The following FNIP2 variants were observed in gnomAD, a reference collection of about 807,000 sequenced individuals.
FNIP2 encodes folliculin-interacting protein 2.
A neutral mutation model predicts 108.7 loss-of-function variants in FNIP2; 32 were observed. That is an observed-to-expected ratio of 0.29 (90% CI 0.22 to 0.40). The LOEUF (loss-of-function observed/expected upper bound fraction) is 0.40, where lower values mean the gene tolerates loss of function less well. Ranked by LOEUF, FNIP2 falls within the 10% of genes least tolerant of loss-of-function variation. FNIP2 has a pLI of 1.00. For missense variants in FNIP2, 1,202 were observed against 1,381.6 expected (o/e 0.87, Z 2.06); for synonymous variants, 480 against 496.7 (o/e 0.97, Z 0.45).
chr4:158,846,614 G>A (rs537974870), intron 7 of FNIP2, among the ~76,000 whole-genome samples: 3 of 152,280 alleles, frequency 2.0e-5, no homozygotes, highest in African/African-American at 7.2e-5. Context: ...GGGCAGAAAG[G>A]TTGTGATACC....
Position 158,769,171 on chromosome 4 carries a change from C to A in FNIP2, c.-42C>A, listed in dbSNP as rs1190636276. ...CGCCCCCGGCTGCGCGCTGAGCCGC[C>A]GGCCCCCCGAGCGCCACGGCCGGAG... On this transcript the variant is annotated 5_prime_UTR_variant, in exon 1 of 17. Coordinates refer to ENST00000264433, the MANE Select transcript of FNIP2 (RefSeq NM_020840.3). 2.7e-6 allele frequency: 3 copies of A among 1,110,976 alleles called. No individual in the cohort carries two copies. Among genetic ancestry groups the A allele is most frequent in the African/African-American group, 1.7e-5 (1 of 59,518 alleles). 68.8% of individuals were successfully genotyped at this position (1,110,976 alleles called of 1,614,324 possible). A position where few individuals can be genotyped will look rare whatever the true frequency, so the allele number is the denominator to read the frequency against.
intron 1 of FNIP2, among the ~76,000 whole-genome samples, chr4:158,825,546 C>A (rs1047904992): frequency 3.3e-5 from 5 of 152,220 alleles, no homozygotes; most frequent in African/African-American, 1.2e-4. Flanking sequence ...TCCTTTAACT[C>A]GGATATGCTG....
rs1197181833 is a variant in FNIP2, at chr4:158,904,408, C to T, written c.3267-58C>T. 1.8e-5 allele frequency: 25 copies of T among 1,391,988 alleles called. 1 individual carries two copies. In the South Asian group the frequency reaches 2.8e-4, roughly 16 times the overall value. The allele number at this position is 1,391,988 out of a possible 1,614,324, so 86.2% of individuals were successfully genotyped here. ...TACTTTCTCATAAAAAGAAATAATACTTTCTCATAAAACCATGCTCTTTTA... is the reference window on the plus strand; with the variant it reads ...TACTTTCTCATAAAAAGAAATAATATTTTCTCATAAAACCATGCTCTTTTA... On this transcript the variant is annotated intron_variant, in intron 16 of 16. Transcript: ENST00000264433.
chr4:158,847,951 T>G (rs961174168), intron 7 of FNIP2, among the ~76,000 whole-genome samples: 2 of 152,224 alleles, frequency 1.3e-5, no homozygotes, highest in African/African-American at 4.8e-5. Flanking sequence ...TGACTTTGTC[T>G]TGTGGCTTGG....
chr4:158,851,300 A>C (rs761015211), intron 7 of FNIP2, 21 bp from the exon 8 acceptor site: 22 of 1,613,492 alleles, frequency 1.4e-5, no homozygotes, highest in Non-Finnish European at 1.8e-5. Context: ...TCAACTTTCA[A>C]ATTCCAAATT....
At chr4:158,784,755 C>T (rs372819922) in intron 1 of FNIP2, among the ~76,000 whole-genome samples, 3 of 152,210 alleles carry the variant, frequency 2.0e-5, no homozygotes, top group Non-Finnish European at 4.4e-5. Flanking sequence ...AATGCTCACT[C>T]GCCCACCACT....
At chr4:158,904,343 T>C in intron 16 of FNIP2, 123 bp from the exon 17 acceptor site, 1 of 858,640 alleles carries the variant, frequency 1.2e-6, no homozygotes, top group Non-Finnish European at 1.8e-6. Flanking sequence ...TTTTCATTAG[T>C]TTTAAATGAT....
chr4:158,861,333 G>T lies in FNIP2; in HGVS notation c.1149-9G>T, dbSNP rs1310935733. 6.2e-7 allele frequency: 1 copy of T among 1,609,418 alleles called. No homozygotes were observed. Among genetic ancestry groups the T allele is most frequent in the Non-Finnish European group, 8.5e-7 (1 of 1,178,468 alleles). On this transcript the variant is annotated splice_polypyrimidine_tract_variant and intron_variant, in intron 10 of 16. Coordinates refer to ENST00000264433, the MANE Select transcript of FNIP2 (RefSeq NM_020840.3). ...CACTTTTGTGTTTCCCTCTCTTTCT[G>T]TTCTATAGAGGAACTATCTGGAACT...
At chr4:158,871,737 C>T (rs963971008) in intron 14 of FNIP2, 19 of 984,810 alleles carry the variant, frequency 1.9e-5, no homozygotes, top group Non-Finnish European at 2.2e-5. Context: ...GCTTTTGTCC[C>T]TATAATATCA....
chr4:158,832,009 G>T, intron 4 of FNIP2, 48 bp downstream of exon 4: 1 of 1,598,024 alleles, frequency 6.3e-7, no homozygotes, highest in Non-Finnish European at 8.6e-7. Context: ...TGGAACGGTG[G>T]TATTGACTCC....
At chr4:158,877,909 C>T (rs1781370630) in intron 14 of FNIP2, among the ~76,000 whole-genome samples, 1 of 152,078 alleles carries the variant, frequency 6.6e-6, no homozygotes, top group South Asian at 2.1e-4. Context: ...CACTGCACTC[C>T]AGCCTGGGTG....
intron 2 of FNIP2, among the ~76,000 whole-genome samples, chr4:158,827,975 G>C (rs575630205): frequency 6.6e-6 from 1 of 151,396 alleles, no homozygotes; most frequent in South Asian, 2.1e-4. Flanking sequence ...CCAAGCAAAA[G>C]CTACACAAGG....
chr4:158,841,070 T>G (rs1779104991), intron 7 of FNIP2, among the ~76,000 whole-genome samples: 1 of 152,164 alleles, frequency 6.6e-6, no homozygotes, highest in Non-Finnish European at 1.5e-5. Context: ...CAAAATTTGG[T>G]GTAGATGTCA....
chr4:158,879,212 C>A (rs1221123706), intron 14 of FNIP2, among the ~76,000 whole-genome samples: 2 of 150,558 alleles, frequency 1.3e-5, no homozygotes, highest in South Asian at 2.1e-4. Flanking sequence ...TCACACTTAA[C>A]AACTGGACAT....
chr4:158,776,624 A>G (rs528889497), intron 1 of FNIP2, among the ~76,000 whole-genome samples: 39 of 152,352 alleles, frequency 2.6e-4, no homozygotes, highest in Non-Finnish European at 4.8e-4. Flanking sequence ...TCAATGCCAC[A>G]AAGTCTTTTA....
chr4:158,837,247 T>G (rs1039560977), intron 7 of FNIP2, among the ~76,000 whole-genome samples: 1 of 152,170 alleles, frequency 6.6e-6, no homozygotes, highest in African/African-American at 2.4e-5. Context: ...TCTTAGTGGG[T>G]GACAGAATTT....
intron 8 of FNIP2, among the ~76,000 whole-genome samples, chr4:158,853,532 CT>C (rs1779814871): frequency 6.6e-6 from 1 of 152,204 alleles, no homozygotes. Context: ...CCCCATCCCC[CT>C]ACCCCACGAC....
chr4:158,902,345 C>G (rs1729386948), intron 16 of FNIP2, among the ~76,000 whole-genome samples: 2 of 152,176 alleles, frequency 1.3e-5, no homozygotes, highest in Non-Finnish European at 2.9e-5. Flanking sequence ...GCTGCCTGTT[C>G]CTTCCTCTGG....
intron 1 of FNIP2, 129 bp downstream of exon 1, chr4:158,769,448 C>T (rs1345589993): frequency 1.2e-5 from 6 of 495,638 alleles, no homozygotes; most frequent in South Asian, 3.1e-5. Context: ...GGCACCTGGT[C>T]CCGGGCTTGT....
Sources: allele counts gnomAD v4.1 joint callset (sites outside exome capture counted in the v4.1 genomes callset), GRCh38; gene constraint gnomAD v4.1.1; transcripts MANE v1.5; gene names NCBI Gene and HGNC (gene_info 2026-07-23, HGNC 2026-07-21).